Variants in CYP1A2 observed in about 807,000 individuals in gnomAD.
The protein encoded by CYP1A2 is cytochrome P450 1A2.
In CYP1A2, 35 loss-of-function variants were observed where a neutral mutation model predicts 34.7. That is an observed-to-expected ratio of 1.01 (90% CI 0.77 to 1.34). The LOEUF is 1.34. CYP1A2 is among the 40% of genes most tolerant of loss of function. CYP1A2 has a pLI of 0.00. For missense variants in CYP1A2, 675 were observed against 675.8 expected (o/e 1.00, Z 0.01); for synonymous variants, 288 against 281.9 (o/e 1.02, Z -0.22).
chr15:74,753,733 C>CA lies in CYP1A2; in HGVS notation c.1253+481dup, dbSNP rs34240703. Among the ~76,000 whole-genome samples, 158 of 129,352 alleles carry CA rather than the reference C, an allele frequency of 1.2e-3. 1 individual carries two copies. The highest frequency in any genetic ancestry group is 2.1e-3 in the African/African-American group (70 of 34,132). 84.9% of individuals were successfully genotyped at this position (129,352 alleles called of 152,430 possible). A position where few individuals can be genotyped will look rare whatever the true frequency, so the allele number is the denominator to read the frequency against. On this transcript the variant is annotated intron_variant, in intron 6 of 6. Coordinates refer to ENST00000343932, the MANE Select transcript of CYP1A2 (RefSeq NM_000761.5). Reference sequence around the variant, plus strand: ...TGGGTGACGGAGTGAGACTCTGCCTCAAAAAAAAAAAAAAAAAATCAACCA... The same window carrying CA: ...TGGGTGACGGAGTGAGACTCTGCCTCAAAAAAAAAAAAAAAAAAATCAACCA...
Position 74,753,208 on chromosome 15 carries a change from T to A in CYP1A2, c.1191T>A (p.Asn397Lys). 1 of 1,613,802 alleles carries A rather than the reference T, an allele frequency of 6.2e-7. No individual in the cohort carries two copies. The highest frequency in any genetic ancestry group is 8.5e-7 in the Non-Finnish European group (1 of 1,179,818). Residue 397 changes from asparagine to lysine, a missense_variant, in exon 6 of 7, where the codon AAT (asparagine) becomes AAA (lysine). By Grantham distance (94) the Asn-to-Lys change is moderately conservative (BLOSUM62 0). Transcript: ENST00000343932. ...PHSTTRDTTL[N>K]GFYIPKKCCV... is the part of the protein sequence containing the mutation. ...GCACAACAAGGGACACAACGCTGAATGGCTTCTACATCCCCAAGAAATGCT... is the reference window on the plus strand; with the variant it reads ...GCACAACAAGGGACACAACGCTGAAAGGCTTCTACATCCCCAAGAAATGCT...
chr15:74,756,583 A>G lies in CYP1A2; in HGVS notation c.*1495A>G, dbSNP rs903733477. ...TTTGCCTTCTCTAAACATTTCATAT[A>G]AATGGAATTACACAATGAGTGGTCT... is the stretch of plus-strand genomic sequence containing the variant. On this transcript the variant is annotated 3_prime_UTR_variant, in exon 7 of 7. Transcript: ENST00000343932. 6.6e-6 allele frequency among the ~76,000 whole-genome samples: 1 copy of G among 152,170 alleles called. No homozygotes were observed. The highest frequency in any genetic ancestry group is 2.4e-5 in the African/African-American group (1 of 41,428).
rs2063305843 is a variant in CYP1A2 at position 74,749,936 on chromosome 15, A to C, written c.198A>C (p.Ser66=). 2 of 1,613,008 alleles carry C rather than the reference A, an allele frequency of 1.2e-6. No homozygotes were observed. The highest frequency in any genetic ancestry group is 1.7e-6 in the Non-Finnish European group (2 of 1,179,164). ...GGAAGAACCCGCACCTGGCACTGTC[A>C]AGGATGAGCCAGCGCTACGGGGACG... ...TLGKNPHLAL[S]RMSQRYGDVL... Residue 66 remains serine, a synonymous_variant, in exon 2 of 7, where the codon TCA becomes TCC. Coordinates refer to ENST00000343932, the MANE Select transcript of CYP1A2 (RefSeq NM_000761.5).
At chr15:74,752,434 T>C (rs2063320583) in intron 5 of CYP1A2, among the ~76,000 whole-genome samples, 187 bp downstream of exon 5, 1 of 152,172 alleles carries the variant, frequency 6.6e-6, no homozygotes, top group Non-Finnish European at 1.5e-5. Flanking sequence ...AAAGTTCCAC[T>C]TGTGATCTCA....
rs1254511870 is a variant in CYP1A2, at chr15:74,753,287, C to T, written c.1253+17C>T. On this transcript the variant is annotated intron_variant, in intron 6 of 6. Coordinates refer to ENST00000343932, the MANE Select transcript of CYP1A2 (RefSeq NM_000761.5). Reference sequence around the variant, plus strand: ...CCATGACCCGTGAGTACATACCCCTCACGAAAAAATGTGTGCAGGTTCAGC... The same window carrying T: ...CCATGACCCGTGAGTACATACCCCTTACGAAAAAATGTGTGCAGGTTCAGC... 1.2e-6 allele frequency: 2 copies of T among 1,605,042 alleles called. No homozygotes were observed. Among genetic ancestry groups the T allele is most frequent in the South Asian group, 1.1e-5 (1 of 90,404 alleles).
chr15:74,751,358 C>A (rs777121760), intron 3 of CYP1A2, 49 bp downstream of exon 3: 139 of 1,607,968 alleles, frequency 8.6e-5, no homozygotes, highest in Non-Finnish European at 5.9e-6. Context: ...TGCTGTTCAC[C>A]CACAGCCTTG....
At position 74,756,033 on chromosome 15, in the gene CYP1A2, T is replaced by C. The variant is rs1302416181; in HGVS notation, c.*945T>C. ...GGTTTCACTGTGTTGGCCAGGATGG[T>C]CTCCATCTCTTGACCTCGTGATCCA... On this transcript the variant is annotated 3_prime_UTR_variant, in exon 7 of 7. Transcript: ENST00000343932. The C allele has an allele frequency of 1.3e-5, 2 of 151,408 alleles. No homozygotes were observed. Among genetic ancestry groups the C allele is most frequent in the African/African-American group, 4.9e-5 (2 of 40,884 alleles). 9.4% of individuals were successfully genotyped at this position (151,408 alleles called of 1,614,324 possible).
rs937691405 is a variant in CYP1A2, at chr15:74,752,120, A to G, written c.1043-4A>G. The G allele has an allele frequency of 6.2e-7, 1 of 1,613,818 alleles. No individual in the cohort carries two copies. The highest frequency in any genetic ancestry group is 1.7e-5 in the Admixed American group (1 of 59,986). On this transcript the variant is annotated splice_region_variant and splice_polypyrimidine_tract_variant and intron_variant, in intron 4 of 6. Coordinates refer to ENST00000343932, the MANE Select transcript of CYP1A2 (RefSeq NM_000761.5). Reference sequence around the variant, plus strand: ...GAGCTCTGCTTGTCCTCTGTGTTCTACAGACACTGTGATTGGCAGGGAGCG... The same window carrying G: ...GAGCTCTGCTTGTCCTCTGTGTTCTGCAGACACTGTGATTGGCAGGGAGCG...
intron 1 of CYP1A2, among the ~76,000 whole-genome samples, chr15:74,749,099 G>A (rs2063301951): frequency 6.6e-6 from 1 of 152,160 alleles, no homozygotes; most frequent in African/African-American, 2.4e-5. Flanking sequence ...CGATGGGGAG[G>A]GCTTCCCCCT....
chr15:74,752,261 G>T lies in CYP1A2; in HGVS notation c.1166+14G>T, dbSNP rs2063319683. The T allele has an allele frequency of 6.2e-7, 1 of 1,613,116 alleles. No individual in the cohort carries two copies. Among genetic ancestry groups the T allele is most frequent in the East Asian group, 2.2e-5 (1 of 44,858 alleles). Reference sequence around the variant, plus strand: ...CATCCCCCACAGGTGAGGCCTGCCGGTTCTGCCCTCCCACCTCTAAAGTGC... The same window carrying T: ...CATCCCCCACAGGTGAGGCCTGCCGTTTCTGCCCTCCCACCTCTAAAGTGC... On this transcript the variant is annotated intron_variant, in intron 5 of 6. Coordinates refer to ENST00000343932, the MANE Select transcript of CYP1A2 (RefSeq NM_000761.5).
Position 74,750,110 on chromosome 15 carries a change from C to CT in CYP1A2, c.374dup (p.Ser126GlnfsTer27). On this transcript the variant is annotated frameshift_variant, in exon 2 of 7. Transcript: ENST00000343932. LOFTEE classifies it high-confidence loss of function. Reference sequence around the variant, plus strand: ...TCATCACTGATGGCCAGAGCTTGACCTTCAGCACAGACTCTGGACCGGTGT... The same window carrying CT: ...TCATCACTGATGGCCAGAGCTTGACCTTTCAGCACAGACTCTGGACCGGTGT... 1 of 1,614,076 alleles carries CT rather than the reference C, an allele frequency of 6.2e-7. No homozygotes were observed. The highest frequency in any genetic ancestry group is 8.5e-7 in the Non-Finnish European group (1 of 1,180,050).
In CYP1A2 at chr15:74,752,211, G is replaced by C. The variant is rs72547515; in HGVS notation, c.1130G>C (p.Arg377Pro). ...YLEAFILETF[R>P]HSSFLPFTIP... ...GAGGCCTTCATCCTGGAGACCTTCC[G>C]ACACTCCTCCTTCTTGCCCTTCACC... The change falls in exon 5 of 7, where the codon CGA becomes CCA. Residue 377 changes from arginine to proline, a missense_variant. By Grantham distance (103) the Arg-to-Pro change is moderately radical (BLOSUM62 -2). Coordinates refer to ENST00000343932, the MANE Select transcript of CYP1A2 (RefSeq NM_000761.5). 1.9e-6 allele frequency: 3 copies of C among 1,613,972 alleles called. No individual in the cohort carries two copies. Among genetic ancestry groups the C allele is most frequent in the South Asian group, 1.1e-5 (1 of 91,074 alleles).
At chr15:74,749,546 T>C (rs1489545728) in intron 1 of CYP1A2, among the ~76,000 whole-genome samples, 184 bp from the exon 2 acceptor site, 1 of 152,220 alleles carries the variant, frequency 6.6e-6, no homozygotes, top group Non-Finnish European at 1.5e-5. Context: ...TCTCAGATTC[T>C]GTGATGCTCA....
At chr15:74,753,967 A>C (rs976146417) in intron 6 of CYP1A2, among the ~76,000 whole-genome samples, 5 of 152,172 alleles carry the variant, frequency 3.3e-5, no homozygotes, top group African/African-American at 9.7e-5. Flanking sequence ...GCTAGTCATC[A>C]TTACTCCAAA....
intron 2 of CYP1A2, among the ~76,000 whole-genome samples, 191 bp downstream of exon 2, chr15:74,750,760 G>T (rs2063311409): frequency 6.6e-6 from 1 of 152,116 alleles, no homozygotes; most frequent in African/African-American, 2.4e-5. Context: ...CATCCTTGAA[G>T]CCCCCTTCTC....
chr15:74,753,880 T>C (rs1214227531), intron 6 of CYP1A2, among the ~76,000 whole-genome samples: 29 of 152,164 alleles, frequency 1.9e-4, no homozygotes, highest in Admixed American at 1.8e-3. Context: ...CACTTTAGTG[T>C]ATAGGTAGGG....
rs758805995 is a variant in CYP1A2, at chr15:74,753,290, GA to G, written c.1253+26del. On this transcript the variant is annotated intron_variant, in intron 6 of 6. Transcript: ENST00000343932. Reference sequence around the variant, plus strand: ...TGACCCGTGAGTACATACCCCTCACGAAAAAATGTGTGCAGGTTCAGCAGTC... The same window carrying G: ...TGACCCGTGAGTACATACCCCTCACGAAAAATGTGTGCAGGTTCAGCAGTC... 6.3e-7 allele frequency: 1 copy of G among 1,596,870 alleles called. No homozygotes were observed. Among genetic ancestry groups the G allele is most frequent in the Non-Finnish European group, 8.6e-7 (1 of 1,165,846 alleles).
chr15:74,753,323 G>C (rs1243618510), intron 6 of CYP1A2, 53 bp downstream of exon 6: 13 of 1,449,942 alleles, frequency 9.0e-6, no homozygotes, highest in African/African-American at 4.2e-5. Flanking sequence ...AGTCAGGAAG[G>C]CTGTTTGTCC....
intron 6 of CYP1A2, among the ~76,000 whole-genome samples, chr15:74,753,878 T>C: frequency 6.6e-6 from 1 of 152,118 alleles, no homozygotes; most frequent in East Asian, 1.9e-4. Context: ...CCCACTTTAG[T>C]GTATAGGTAG....
Sources: allele counts gnomAD v4.1 joint callset (sites outside exome capture counted in the v4.1 genomes callset), GRCh38; gene constraint gnomAD v4.1.1; transcripts MANE v1.5; gene names NCBI Gene and HGNC (gene_info 2026-07-23, HGNC 2026-07-21).